Variants in ZSWIM5 observed in about 807,000 individuals in gnomAD.
ZSWIM5 encodes zinc finger SWIM-type containing 5, also known as zinc finger SWIM domain-containing protein 5.
ZSWIM5 carries 55 observed loss-of-function variants against 119.6 expected under a neutral mutation model. The ratio of observed to expected loss-of-function variants is 0.46; its 90% confidence interval spans 0.37 to 0.58. ZSWIM5 has a LOEUF of 0.58. Among genes scored for constraint, ZSWIM5 ranks in the 20% least tolerant of loss-of-function variants. The pLI, the probability that ZSWIM5 is intolerant of heterozygous loss-of-function variation, is 0.00. For synonymous variants in ZSWIM5, 537 were observed against 606.9 expected, an observed-to-expected ratio of 0.88 and a Z score of 1.69; for missense variants, 1,193 against 1,512.8, an observed-to-expected ratio of 0.79 and a Z score of 3.51.
chr1:45,139,177 G>T (rs550389728), intron 1 of ZSWIM5, among the ~76,000 whole-genome samples: 2 of 151,476 alleles, frequency 1.3e-5, no homozygotes, highest in East Asian at 3.9e-4. Flanking sequence ...CCACCACACC[G>T]GCCCTTTTTT....
At chr1:45,053,272 A>C (rs1159838014) in intron 4 of ZSWIM5, among the ~76,000 whole-genome samples, 1 of 152,170 alleles carries the variant, frequency 6.6e-6, no homozygotes, top group Non-Finnish European at 1.5e-5. Context: ...TTCACAGGTA[A>C]AAAAGAGGAC....
chr1:45,135,551 G>C (rs2149032315), intron 1 of ZSWIM5, among the ~76,000 whole-genome samples: 1 of 152,182 alleles, frequency 6.6e-6, no homozygotes, highest in East Asian at 1.9e-4. Flanking sequence ...TTAACAGCTT[G>C]AACTGTGTGA....
intron 1 of ZSWIM5, among the ~76,000 whole-genome samples, chr1:45,118,222 A>C (rs1645570479): frequency 6.6e-6 from 1 of 152,240 alleles, no homozygotes; most frequent in Non-Finnish European, 1.5e-5. Context: ...CTCCACACGC[A>C]TTGCCAGACA....
At chr1:45,105,398 G>A (rs1430242958) in intron 1 of ZSWIM5, among the ~76,000 whole-genome samples, 1 of 152,140 alleles carries the variant, frequency 6.6e-6, no homozygotes, top group Non-Finnish European at 1.5e-5. Context: ...CAGCGTCTCT[G>A]CCCGGCCGCC....
At chr1:45,020,926 C>T (rs570070962) in intron 11 of ZSWIM5, 138 bp from the exon 12 acceptor site, 26 of 1,002,496 alleles carry the variant, frequency 2.6e-5, no homozygotes, top group East Asian at 7.4e-5. Context: ...TCTGGGTTAT[C>T]GAGCTGTCTC....
intron 11 of ZSWIM5, among the ~76,000 whole-genome samples, chr1:45,021,562 T>C (rs899055239): frequency 4.6e-5 from 7 of 152,196 alleles, no homozygotes; most frequent in Non-Finnish European, 7.3e-5. Flanking sequence ...TGAAAGACTG[T>C]TATATCTTAT....
At chr1:45,053,046 C>G (rs913165688) in intron 4 of ZSWIM5, among the ~76,000 whole-genome samples, 3 of 149,378 alleles carry the variant, frequency 2.0e-5, no homozygotes, top group African/African-American at 2.5e-5. Flanking sequence ...TCGGTTGAAT[C>G]TGGGAGGCGG....
chr1:45,105,479 G>A (rs567346813), intron 1 of ZSWIM5, among the ~76,000 whole-genome samples: 1 of 151,336 alleles, frequency 6.6e-6, no homozygotes, highest in South Asian at 2.1e-4. Context: ...CCTCTGCCCG[G>A]CCGCCCCGAA....
Position 45,202,868 on chromosome 1 carries a change from T to C in ZSWIM5, c.595+2888A>G, listed in dbSNP as rs551172086. 3.3e-5 allele frequency among the ~76,000 whole-genome samples: 5 copies of C among 152,178 alleles called. No homozygotes were observed. The South Asian group carries it at 1.0e-3, about 31-fold the overall frequency. ...AAATGTTAAAACCGTTAGTAAATTA[T>C]AGGTGTCTTATTCTTATGCCATCTG... On this transcript the variant is annotated intron_variant, in intron 1 of 13. Transcript: ENST00000359600.
At position 45,051,090 on chromosome 1, in the gene ZSWIM5, A is replaced by G; in HGVS notation, c.1416T>C (p.Ser472=). 1 of 1,613,308 alleles carries G rather than the reference A, an allele frequency of 6.2e-7. No individual in the cohort carries two copies. Among genetic ancestry groups the G allele is most frequent in the African/African-American group, 1.3e-5 (1 of 74,960 alleles). ...LPNITNALPQ[S]AIHSPDSLSR... ...TTGGCTCACCTGGGCTGTGAATGGC[A>G]CTCTGGGGAAGTGCATTGGTGATGT... is the stretch of plus-strand genomic sequence containing the variant. The change falls in exon 5 of 14, where the codon AGT becomes AGC. Residue 472 remains serine (S), a synonymous_variant. Coordinates refer to ENST00000359600, the MANE Select transcript of ZSWIM5 (RefSeq NM_020883.2).
intron 1 of ZSWIM5, among the ~76,000 whole-genome samples, chr1:45,170,965 G>C (rs1365754103): frequency 6.6e-6 from 1 of 152,034 alleles, no homozygotes; most frequent in Non-Finnish European, 1.5e-5. Flanking sequence ...CATAATTATT[G>C]TAATAAATAG....
At chr1:45,159,280 G>T (rs2149040716) in intron 1 of ZSWIM5, among the ~76,000 whole-genome samples, 1 of 151,808 alleles carries the variant, frequency 6.6e-6, no homozygotes, top group African/African-American at 2.4e-5. Context: ...TTTATTTATT[G>T]CTATAAAAAT....
intron 8 of ZSWIM5, among the ~76,000 whole-genome samples, 171 bp downstream of exon 8, chr1:45,038,765 G>A (rs1645000776): frequency 6.6e-6 from 1 of 151,088 alleles, no homozygotes; most frequent in African/African-American, 2.4e-5. Flanking sequence ...GACCACACCT[G>A]GCTAATATTT....
chr1:45,087,820 G>C, intron 2 of ZSWIM5, 61 bp downstream of exon 2: 1 of 1,222,452 alleles, frequency 8.2e-7, no homozygotes, highest in East Asian at 2.3e-5. Context: ...TAAGAGGGTT[G>C]CTTTGGTGAC....
rs569486700 is a variant in ZSWIM5 at position 45,166,440 on chromosome 1, T to G, written c.595+39316A>C. ...GGGATGCCCTCTCTCACCACTCCTA[T>G]TCAACATAGTGTTGGAAGTTCTGGC... On this transcript the variant is annotated intron_variant, in intron 1 of 13. Transcript: ENST00000359600. Among the ~76,000 whole-genome samples the G allele has an allele frequency of 4.7e-3, 713 of 152,170 alleles. 10 individuals carry two copies. The highest frequency in any genetic ancestry group is 0.016 in the African/African-American group (672 of 41,500).
At chr1:45,201,663 A>G (rs1646159069) in intron 1 of ZSWIM5, among the ~76,000 whole-genome samples, 1 of 152,198 alleles carries the variant, frequency 6.6e-6, no homozygotes, top group Non-Finnish European at 1.5e-5. Context: ...CACTCTCTTT[A>G]GTTTATCCAT....
intron 1 of ZSWIM5, among the ~76,000 whole-genome samples, chr1:45,166,540 C>A (rs949618139): frequency 6.6e-6 from 1 of 152,022 alleles, no homozygotes; most frequent in Non-Finnish European, 1.5e-5. Context: ...TCCCTGTTTG[C>A]AGACATGACA....
At position 45,019,869 on chromosome 1, in the gene ZSWIM5, A is replaced by G. The variant is rs1200240310; in HGVS notation, c.2695+197T>C. Among the ~76,000 whole-genome samples the G allele has an allele frequency of 1.3e-5, 2 of 152,180 alleles. No individual in the cohort carries two copies. The highest frequency in any genetic ancestry group is 2.9e-5 in the Non-Finnish European group (2 of 68,034). ...GCTGCTGACATCAGGATATGGTTCA[A>G]GCAGTGAAGACAGGGCTTGGGCTGG... On this transcript the variant is annotated intron_variant, in intron 13 of 13. Coordinates refer to ENST00000359600, the MANE Select transcript of ZSWIM5 (RefSeq NM_020883.2). The surrounding 1 kb of genome is among the most constrained non-coding windows in gnomAD (Gnocchi z 5.0).
chr1:45,160,224 A>G (rs1239257209), intron 1 of ZSWIM5, among the ~76,000 whole-genome samples: 1 of 152,214 alleles, frequency 6.6e-6, no homozygotes, highest in Admixed American at 6.5e-5. Context: ...TGTCACATGC[A>G]TAGAATGTGT....
Sources: allele counts gnomAD v4.1 joint callset (sites outside exome capture counted in the v4.1 genomes callset), GRCh38; gene constraint gnomAD v4.1.1; non-coding constraint Gnocchi (gnomAD v3.1); transcripts MANE v1.5; gene names NCBI Gene and HGNC (gene_info 2026-07-23, HGNC 2026-07-21).